PIK3CA: variants seen among roughly 807,000 people sequenced by gnomAD.
The protein encoded by PIK3CA is phosphatidylinositol 4,5-bisphosphate 3-kinase catalytic subunit alpha isoform.
In PIK3CA, 27 loss-of-function variants were observed where a neutral mutation model predicts 138.2. The ratio of observed to expected loss-of-function variants is 0.20; its 90% confidence interval spans 0.14 to 0.27. The LOEUF is 0.27. PIK3CA is among the 10% of genes least tolerant of loss of function. PIK3CA has a pLI of 1.00. For missense variants in PIK3CA, 544 were observed against 1,277.4 expected (o/e 0.43, Z 8.75); for synonymous variants, 358 against 413.2 (o/e 0.87, Z 1.62).
chr3:179,237,135 A>G lies in PIK3CA; in HGVS notation c.*2771A>G, dbSNP rs1180789277. 5.1e-6 allele frequency: 1 copy of G among 196,706 alleles called. No homozygotes were observed. The highest frequency in any genetic ancestry group is 1.1e-5 in the Non-Finnish European group (1 of 94,774). 12.2% of individuals were successfully genotyped at this position (196,706 alleles called of 1,614,324 possible). ...CACTTTCTACCATATTCTCAGCTAT[A>G]CAAAACCATTTATTTTGAAGATTTT... On this transcript the variant is annotated 3_prime_UTR_variant, in exon 21 of 21. Transcript: ENST00000263967.
chr3:179,159,520 A>T (rs1048425531), intron 1 of PIK3CA, among the ~76,000 whole-genome samples: 1 of 152,182 alleles, frequency 6.6e-6, no homozygotes, highest in Non-Finnish European at 1.5e-5. Context: ...GCCTCCCTTA[A>T]TCCTCACAAT....
chr3:179,180,031 G>GA (rs1196545933), intron 1 of PIK3CA, among the ~76,000 whole-genome samples: 1 of 152,148 alleles, frequency 6.6e-6, no homozygotes, highest in Non-Finnish European at 1.5e-5. Context: ...TGGAGTGTGG[G>GA]AAAAATAAGA....
intron 6 of PIK3CA, among the ~76,000 whole-genome samples, chr3:179,209,179 G>GT (rs1225892319): frequency 6.6e-6 from 1 of 151,732 alleles, no homozygotes; most frequent in Non-Finnish European, 1.5e-5. Context: ...CATTTCTGTG[G>GT]TTTTATTCCT....
At position 179,220,897 on chromosome 3, in the gene PIK3CA, A is replaced by T; in HGVS notation, c.2016-89A>T. On this transcript the variant is annotated intron_variant, in intron 13 of 20. Transcript: ENST00000263967. The surrounding 1 kb of genome is among the most constrained non-coding windows in gnomAD (Gnocchi z 4.1). ...ATTGTAACATTTATTGGATTTCAAA[A>T]ATGAGTGTTTAAATTGTTTAGCAAA... 1.5e-6 allele frequency: 1 copy of T among 658,846 alleles called. No individual in the cohort carries two copies. The highest frequency in any genetic ancestry group is 2.3e-6 in the Non-Finnish European group (1 of 434,552). 40.8% of individuals were successfully genotyped at this position (658,846 alleles called of 1,614,324 possible).
At chr3:179,223,954 A>G (rs1266395236) in intron 14 of PIK3CA, 127 bp from the exon 15 acceptor site, 5 of 486,100 alleles carry the variant, frequency 1.0e-5, no homozygotes, top group Non-Finnish European at 1.9e-5. Context: ...ATTAGAAAGC[A>G]GCAGTCTAGG....
rs1211385538 is a variant in PIK3CA, at chr3:179,173,115, T to C, written c.-77+24512T>C. Among the ~76,000 whole-genome samples, 3 of 152,114 alleles carry C rather than the reference T, an allele frequency of 2.0e-5. No homozygotes were observed. The East Asian group carries it at 5.8e-4, about 29-fold the overall frequency. On this transcript the variant is annotated intron_variant, in intron 1 of 20. Coordinates refer to ENST00000263967, the MANE Select transcript of PIK3CA (RefSeq NM_006218.4). ...AAATGTAACATTTATAATAATTTTC[T>C]TTTTATTGAACATTTTTGCTTTGTA...
At chr3:179,161,338 TATC>T (rs1380444005) in intron 1 of PIK3CA, among the ~76,000 whole-genome samples, 1 of 152,200 alleles carries the variant, frequency 6.6e-6, no homozygotes, top group East Asian at 1.9e-4. Context: ...TTCTGCCTAG[TATC>T]ATTGAATTTC....
chr3:179,223,294 T>C (rs1725009561), intron 14 of PIK3CA, among the ~76,000 whole-genome samples: 2 of 152,222 alleles, frequency 1.3e-5, no homozygotes, highest in African/African-American at 4.8e-5. Context: ...CTAACCACTT[T>C]TTCCCCCACT....
intron 16 of PIK3CA, 45 bp from the exon 17 acceptor site, chr3:179,225,917 T>C (rs2108419260): frequency 1.0e-6 from 1 of 958,050 alleles, no homozygotes; most frequent in Non-Finnish European, 1.7e-6. Context: ...TCCCCAAATT[T>C]GCATCTGTGG....
At position 179,161,399 on chromosome 3, in the gene PIK3CA, C is replaced by T. The variant is rs981586368; in HGVS notation, c.-77+12796C>T. Among the ~76,000 whole-genome samples, 5 of 152,128 alleles carry T rather than the reference C, an allele frequency of 3.3e-5. 1 individual carries two copies. The highest frequency in any genetic ancestry group is 3.3e-4 in the Admixed American group (5 of 15,272). On this transcript the variant is annotated intron_variant, in intron 1 of 20. Coordinates refer to ENST00000263967, the MANE Select transcript of PIK3CA (RefSeq NM_006218.4). ...CAACAGAACAGATAGGAGAAAGAAA[C>T]ATAAATAACAGGAAGTGCTGGGCGT...
chr3:179,207,040 A>C (rs1444772629), intron 6 of PIK3CA, among the ~76,000 whole-genome samples: 5 of 152,196 alleles, frequency 3.3e-5, no homozygotes, highest in African/African-American at 1.2e-4. Context: ...TGTAGTCTAA[A>C]AGGTGAAGTA....
In PIK3CA at chr3:179,230,833, TATTTC is replaced by T. The variant is rs1725194030; in HGVS notation, c.2936+459_2936+463del. On this transcript the variant is annotated intron_variant, in intron 20 of 20. Coordinates refer to ENST00000263967, the MANE Select transcript of PIK3CA (RefSeq NM_006218.4). The surrounding 1 kb of genome is among the most constrained non-coding windows in gnomAD (Gnocchi z 5.4). ...TTTTTGTTTGTTTTTTATTCTATCT[TATTTC>T]AATAGCTTTTGGGGTACACGTGGTT... Among the ~76,000 whole-genome samples, 1 of 152,164 alleles carries T rather than the reference TATTTC, an allele frequency of 6.6e-6. No homozygotes were observed. Among genetic ancestry groups the T allele is most frequent in the African/African-American group, 2.4e-5 (1 of 41,448 alleles).
intron 1 of PIK3CA, among the ~76,000 whole-genome samples, chr3:179,184,023 A>G (rs886298299): frequency 2.6e-5 from 4 of 152,328 alleles, no homozygotes; most frequent in Non-Finnish European, 4.4e-5. Context: ...GCTAGTGCCT[A>G]TTTTCACAGC....
At chr3:179,223,308 A>G (rs1189434677) in intron 14 of PIK3CA, among the ~76,000 whole-genome samples, 1 of 152,176 alleles carries the variant, frequency 6.6e-6, no homozygotes, top group Non-Finnish European at 1.5e-5. Flanking sequence ...CCCCACTCAC[A>G]TTTTATATTT....
chr3:179,207,446 T>G (rs1724592637), intron 6 of PIK3CA, among the ~76,000 whole-genome samples: 1 of 152,190 alleles, frequency 6.6e-6, no homozygotes, highest in South Asian at 2.1e-4. Flanking sequence ...CATAGCTCTC[T>G]TAGAGTATAG....
At chr3:179,225,222 A>G (rs1725055639) in intron 16 of PIK3CA, among the ~76,000 whole-genome samples, 1 of 151,920 alleles carries the variant, frequency 6.6e-6, no homozygotes, top group South Asian at 2.1e-4. Flanking sequence ...CTGGGGTTTT[A>G]GCAGTGAAGA....
At chr3:179,193,408 G>A (rs1042029239) in intron 1 of PIK3CA, among the ~76,000 whole-genome samples, 1 of 152,188 alleles carries the variant, frequency 6.6e-6, no homozygotes, top group South Asian at 2.1e-4. Context: ...CTGTAATCAG[G>A]CAGGTTGGCC....
At chr3:179,193,505 A>G (rs1291560849) in intron 1 of PIK3CA, among the ~76,000 whole-genome samples, 1 of 152,214 alleles carries the variant, frequency 6.6e-6, no homozygotes, top group Non-Finnish European at 1.5e-5. Context: ...AGGACCAGAA[A>G]TGTACCCCCA....
intron 1 of PIK3CA, among the ~76,000 whole-genome samples, chr3:179,173,425 AAAACTT>A (rs1723613830): frequency 6.7e-6 from 1 of 150,012 alleles, no homozygotes; most frequent in Non-Finnish European, 1.5e-5. Flanking sequence ...AAAAAAAAAA[AAAACTT>A]AGCCAGGTGT....
Sources: allele counts gnomAD v4.1 joint callset (sites outside exome capture counted in the v4.1 genomes callset), GRCh38; gene constraint gnomAD v4.1.1; non-coding constraint Gnocchi (gnomAD v3.1); transcripts MANE v1.5; gene names NCBI Gene and HGNC (gene_info 2026-07-23, HGNC 2026-07-21).